Variants in PUM1 observed in about 807,000 individuals in gnomAD.
PUM1 encodes pumilio homolog 1.
PUM1 carries 13 observed loss-of-function variants against 131.8 expected under a neutral mutation model. That is an observed-to-expected ratio of 0.10 (90% CI 0.06 to 0.16). The LOEUF is 0.16. PUM1 is among the 10% of genes least tolerant of loss of function. The pLI, the probability that PUM1 is intolerant of heterozygous loss-of-function variation, is 1.00. For synonymous variants in PUM1, 509 were observed against 556.5 expected (o/e 0.91, Z 1.20); for missense variants, 961 against 1,512.4 (o/e 0.64, Z 6.05).
chr1:30,940,037 A>G (rs932036687), intron 20 of PUM1, among the ~76,000 whole-genome samples: 4 of 152,188 alleles, frequency 2.6e-5, no homozygotes, highest in Non-Finnish European at 4.4e-5. Context: ...GCAACCGGTC[A>G]AAAGGAACCC....
Position 31,006,003 on chromosome 1 carries a change from C to A in PUM1, c.570G>T (p.Val190=). 6.2e-7 allele frequency: 1 copy of A among 1,607,182 alleles called. No individual in the cohort carries two copies. Among genetic ancestry groups the A allele is most frequent in the Non-Finnish European group, 8.5e-7 (1 of 1,177,736 alleles). Residue 190 remains valine (V), a synonymous_variant, in exon 5 of 22, where the codon GTG becomes GTT. Coordinates refer to ENST00000426105, the MANE Select transcript of PUM1 (RefSeq NM_001020658.2). ...GGAAACTCTGACCAGGTCTTCTCTG[C>A]ACCATGATTGGCTGGGAAACTGAAT... ...SDHSVSQPIM[V]QRRPGQSFHV... is the part of the protein sequence containing the mutation.
intron 2 of PUM1, 111 bp from the exon 3 acceptor site, chr1:31,028,975 A>G (rs1643315772): frequency 8.4e-6 from 7 of 835,692 alleles, no homozygotes; most frequent in Non-Finnish European, 1.4e-5. Flanking sequence ...ACATTGGCAA[A>G]GACAATAGCA....
At chr1:30,979,115 AAG>A (rs1219368877) in intron 9 of PUM1, among the ~76,000 whole-genome samples, 5 of 151,834 alleles carry the variant, frequency 3.3e-5, no homozygotes, top group East Asian at 1.9e-4. Flanking sequence ...AAAAAAAAAA[AAG>A]AGAGAGAGAG....
chr1:31,019,128 G>A (rs1349469515), intron 3 of PUM1, among the ~76,000 whole-genome samples: 7 of 152,176 alleles, frequency 4.6e-5, no homozygotes, highest in African/African-American at 1.4e-4. Flanking sequence ...TGAGGCGAGC[G>A]AATCGCTTGA....
chr1:30,981,273 C>A (rs906281928), intron 8 of PUM1, 39 bp downstream of exon 8: 2 of 1,331,798 alleles, frequency 1.5e-6, no homozygotes, highest in East Asian at 5.0e-5. Context: ...AAATGGCGGC[C>A]ACACCTATCA....
intron 17 of PUM1, among the ~76,000 whole-genome samples, chr1:30,946,348 A>T (rs1188814558): frequency 6.6e-6 from 1 of 151,472 alleles, no homozygotes; most frequent in Admixed American, 6.6e-5. Context: ...TAAAAAAAAA[A>T]AAATCATAGG....
chr1:31,013,067 A>G (rs745418266), intron 3 of PUM1, among the ~76,000 whole-genome samples: 2 of 152,224 alleles, frequency 1.3e-5, no homozygotes, highest in African/African-American at 2.4e-5. Context: ...GTAGCAGCCA[A>G]TAGACATCAC....
chr1:30,974,975 G>A, intron 9 of PUM1, 173 bp from the exon 10 acceptor site: 1 of 489,778 alleles, frequency 2.0e-6, no homozygotes, highest in Admixed American at 3.9e-5. Context: ...AACATTATAT[G>A]AGATCCTTAC....
At chr1:31,008,099 A>G (rs752897031) in intron 3 of PUM1, among the ~76,000 whole-genome samples, 3 of 152,224 alleles carry the variant, frequency 2.0e-5, no homozygotes, top group Non-Finnish European at 4.4e-5. Flanking sequence ...ATTTCTCAGA[A>G]GAACACAATA....
intron 2 of PUM1, among the ~76,000 whole-genome samples, chr1:31,029,915 A>C (rs1232675384): frequency 2.4e-4 from 3 of 12,534 alleles, no homozygotes; most frequent in African/African-American, 7.3e-4. Flanking sequence ...TCCTTTTTCA[A>C]AAAAAAAAAA....
intron 14 of PUM1, among the ~76,000 whole-genome samples, chr1:30,959,594 G>A (rs569969071): frequency 6.6e-6 from 1 of 152,176 alleles, no homozygotes; most frequent in South Asian, 2.1e-4. Context: ...CAGGATAAAA[G>A]CCACATGATC....
intron 7 of PUM1, 101 bp from the exon 8 acceptor site, chr1:30,981,506 G>A (rs1189041839): frequency 1.8e-5 from 11 of 606,836 alleles, no homozygotes; most frequent in South Asian, 1.2e-4. Flanking sequence ...TTGTTTAGGC[G>A]TGACACCTTA....
intron 14 of PUM1, among the ~76,000 whole-genome samples, chr1:30,964,423 C>T (rs989061732): frequency 6.6e-6 from 1 of 151,906 alleles, no homozygotes; most frequent in Non-Finnish European, 1.5e-5. Flanking sequence ...TCACAGGTAG[C>T]CAAAGAATAA....
In PUM1 at chr1:30,967,273, T is replaced by C; in HGVS notation, c.1683A>G (p.Gln561=). The C allele has an allele frequency of 3.7e-6, 6 of 1,613,964 alleles. No individual in the cohort carries two copies. Among genetic ancestry groups the C allele is most frequent in the Non-Finnish European group, 5.1e-6 (6 of 1,179,890 alleles). ...CTGCATTCACTACAAGGGCACCAGT[T>C]TGGTCATAGTAAGCAGCAGGAGCCA... ...PVLAPAAYYD[Q]TGALVVNAGA... The change falls in exon 12 of 22, where the codon CAA becomes CAG. Residue 561 remains glutamine, a synonymous_variant. Coordinates refer to ENST00000426105, the MANE Select transcript of PUM1 (RefSeq NM_001020658.2).
At chr1:30,952,673 GC>G (rs1478261148) in intron 15 of PUM1, among the ~76,000 whole-genome samples, 646 of 40,826 alleles carry the variant, frequency 0.016, 18 homozygotes, top group East Asian at 0.14. Flanking sequence ...GAAGATGAAA[GC>G]GGGGGGGGCG....
At chr1:30,997,973 G>A (rs960644279) in intron 5 of PUM1, among the ~76,000 whole-genome samples, 5 of 151,232 alleles carry the variant, frequency 3.3e-5, no homozygotes, top group Admixed American at 6.6e-5. Context: ...GCAATGTGTT[G>A]CATTTTACCA....
chr1:31,017,579 C>G (rs1016234784), intron 3 of PUM1, among the ~76,000 whole-genome samples: 2 of 151,498 alleles, frequency 1.3e-5, no homozygotes, highest in Non-Finnish European at 2.9e-5. Context: ...TTATGTGTGG[C>G]CCAAGATCAC....
intron 5 of PUM1, among the ~76,000 whole-genome samples, chr1:30,997,106 C>T (rs1642007061): frequency 6.6e-6 from 1 of 152,134 alleles, no homozygotes; most frequent in African/African-American, 2.4e-5. Context: ...AAGAATCATC[C>T]CACTGCCACG....
At chr1:31,033,581 G>T (rs112323304) in intron 2 of PUM1, among the ~76,000 whole-genome samples, 58 of 152,092 alleles carry the variant, frequency 3.8e-4, no homozygotes, top group African/African-American at 1.3e-3. Context: ...GCCCAGGCAG[G>T]TCTCGAAGCC....
Sources: gnomAD v4.1 joint callset for allele counts (sites outside exome capture counted in the v4.1 genomes callset) on GRCh38, gnomAD v4.1.1 for gene constraint, MANE v1.5 for transcripts, NCBI Gene and HGNC (gene_info 2026-07-23, HGNC 2026-07-21) for gene names.